The following PCBP3 variants were observed in gnomAD, a reference collection of about 807,000 sequenced individuals.
PCBP3 encodes the protein poly(rC)-binding protein 3.
In PCBP3, 25 loss-of-function variants were observed where a neutral mutation model predicts 52.7. The observed-to-expected ratio is 0.47, with a 90% CI of 0.35 to 0.66. The LOEUF is 0.66. Ranked by LOEUF, PCBP3 falls within the 30% of genes least tolerant of loss-of-function variation. The pLI, the probability that PCBP3 is intolerant of heterozygous loss-of-function variation, is 0.01. For synonymous variants in PCBP3, 162 were observed against 183.0 expected (o/e 0.89, Z 0.93); for missense variants, 391 against 490.3 (o/e 0.80, Z 1.91).
Position 45,904,368 on chromosome 21 carries a change from A to G in PCBP3, c.339+3255A>G, listed in dbSNP as rs2096146323. ...TTCCAGAAGACTGTGGATGCTCAGG[A>G]AGCTCGAGGGATTTGGAGTTTTCAT... On this transcript the variant is annotated intron_variant, in intron 9 of 17. Coordinates refer to ENST00000681687, the MANE Select transcript of PCBP3 (RefSeq NM_001384156.1). The surrounding 1 kb of genome is among the most constrained non-coding windows in gnomAD (Gnocchi z 4.8). Among the ~76,000 whole-genome samples the G allele has an allele frequency of 6.6e-6, 1 of 151,932 alleles. No individual in the cohort carries two copies. Among genetic ancestry groups the G allele is most frequent in the African/African-American group, 2.4e-5 (1 of 41,332 alleles).
chr21:45,922,829 C>A (rs2074636463), intron 13 of PCBP3, among the ~76,000 whole-genome samples: 2 of 152,174 alleles, frequency 1.3e-5, no homozygotes, highest in South Asian at 4.1e-4. Context: ...AGCTAATGAG[C>A]CAGGGAATGG....
intron 6 of PCBP3, among the ~76,000 whole-genome samples, chr21:45,899,066 C>T (rs1171793677): frequency 6.6e-6 from 1 of 152,266 alleles, no homozygotes; most frequent in Non-Finnish European, 1.5e-5. Context: ...CAGGGAGATA[C>T]TGGGCCACTC....
intron 2 of PCBP3, among the ~76,000 whole-genome samples, chr21:45,723,130 G>A (rs189778385): frequency 8.0e-4 from 121 of 152,174 alleles, no homozygotes; most frequent in African/African-American, 2.7e-3. Context: ...GATGTTTTTT[G>A]CACTTTTCTG....
intron 4 of PCBP3, among the ~76,000 whole-genome samples, chr21:45,793,153 G>A (rs143658784): frequency 7.4e-4 from 112 of 152,276 alleles, no homozygotes; most frequent in African/African-American, 2.6e-3. Context: ...GCCGCCTTCC[G>A]GACGGAGACT....
chr21:45,785,894 C>T (rs1037292348), intron 4 of PCBP3, among the ~76,000 whole-genome samples: 9 of 149,916 alleles, frequency 6.0e-5, no homozygotes, highest in Non-Finnish European at 8.9e-5. Flanking sequence ...GGATTAAGGG[C>T]GGTGCAAGAT....
intron 3 of PCBP3, among the ~76,000 whole-genome samples, chr21:45,745,873 C>T (rs1230066000): frequency 3.9e-5 from 6 of 152,232 alleles, no homozygotes; most frequent in Non-Finnish European, 7.3e-5. Flanking sequence ...GTGTTGGCAT[C>T]GTGTGAAGGC....
chr21:45,812,271 G>A (rs1603440831), intron 4 of PCBP3, among the ~76,000 whole-genome samples: 1 of 152,156 alleles, frequency 6.6e-6, no homozygotes, highest in Non-Finnish European at 1.5e-5. Context: ...ACACAGCCTC[G>A]AGAGGTCCTG....
chr21:45,849,935 C>G (rs1157411316), intron 4 of PCBP3, 26 bp from the exon 5 acceptor site: 1 of 730,730 alleles, frequency 1.4e-6, no homozygotes, highest in Non-Finnish European at 2.4e-6. Flanking sequence ...GGTGCGCTCA[C>G]ACAGCCCTGT....
At chr21:45,658,238 A>C (rs759863515) in intron 1 of PCBP3, among the ~76,000 whole-genome samples, 2 of 152,178 alleles carry the variant, frequency 1.3e-5, no homozygotes, top group African/African-American at 2.4e-5. Flanking sequence ...TGAATTCCCT[A>C]GATAAATCCC....
In PCBP3 at chr21:45,823,932, G is replaced by C. The variant is rs566572503; in HGVS notation, c.-125-26029G>C. ...AATTTTTTTATTTTTAGTAGAGATG[G>C]GGTTTCACCATGTTGTCCAGGCTGG... On this transcript the variant is annotated intron_variant, in intron 4 of 17. Coordinates refer to ENST00000681687, the MANE Select transcript of PCBP3 (RefSeq NM_001384156.1). Among the ~76,000 whole-genome samples the C allele has an allele frequency of 2.0e-3, 306 of 152,048 alleles. 1 individual carries two copies. The highest frequency in any genetic ancestry group is 7.2e-3 in the African/African-American group (298 of 41,468).
rs35538325 is a variant in PCBP3, at chr21:45,794,928, CA to C, written c.-126+39490del. 8.9e-3 allele frequency among the ~76,000 whole-genome samples: 848 copies of C among 95,670 alleles called. 3 individuals are homozygous for C. Among genetic ancestry groups the C allele is most frequent in the Middle Eastern group, 0.015 (2 of 132 alleles). The allele number at this position is 95,670 out of a possible 152,430, so 62.8% of individuals were successfully genotyped here. ...CGGGCGACAGAGCCAGACTCTGTCT[CA>C]AAAAAAAAAAAAAGGACCTAGAAAC... On this transcript the variant is annotated intron_variant, in intron 4 of 17. Transcript: ENST00000681687.
chr21:45,808,461 G>A (rs2092581832), intron 4 of PCBP3, among the ~76,000 whole-genome samples: 1 of 152,204 alleles, frequency 6.6e-6, no homozygotes, highest in African/African-American at 2.4e-5. Flanking sequence ...CTGGTCATTA[G>A]AGAAATGCAT....
intron 4 of PCBP3, among the ~76,000 whole-genome samples, chr21:45,794,799 G>A (rs1050649142): frequency 6.6e-6 from 1 of 152,030 alleles, no homozygotes; most frequent in East Asian, 1.9e-4. Context: ...CGTGGTGGCA[G>A]GTGCCTGTAG....
rs1054633050 is a variant in PCBP3, at chr21:45,735,774, C to T, written c.-162+345C>T. Among the ~76,000 whole-genome samples the T allele has an allele frequency of 5.9e-5, 9 of 152,228 alleles. No individual in the cohort carries two copies. Among genetic ancestry groups the T allele is most frequent in the Non-Finnish European group, 1.0e-4 (7 of 68,040 alleles). On this transcript the variant is annotated intron_variant, in intron 3 of 17. Coordinates refer to ENST00000681687, the MANE Select transcript of PCBP3 (RefSeq NM_001384156.1). This position sits in a 1 kb window ranked among gnomAD's most constrained non-coding sequence, Gnocchi z 4.0. ...GTTAGTGCACTTGGAGCCTACTGCA[C>T]GAGCCTACCGCACAAGCCTACCGCA...
rs1207239053 is a variant in PCBP3, at chr21:45,816,549, GAC to G, written c.-125-33399_-125-33398del. On this transcript the variant is annotated intron_variant, in intron 4 of 17. Coordinates refer to ENST00000681687, the MANE Select transcript of PCBP3 (RefSeq NM_001384156.1). ...CCCCTCCCCTTTTGTTAAAAACTGA[GAC>G]ACACACACACACTTTAGCCTAGGCC... is the stretch of plus-strand genomic sequence containing the variant. 1.4e-4 allele frequency among the ~76,000 whole-genome samples: 18 copies of G among 127,530 alleles called. No homozygotes were observed. In the Admixed American group the frequency reaches 1.5e-3, roughly 11 times the overall value. 83.7% of individuals were successfully genotyped at this position (127,530 alleles called of 152,430 possible).
intron 5 of PCBP3, among the ~76,000 whole-genome samples, chr21:45,867,317 G>A (rs148994573): frequency 4.6e-5 from 7 of 152,364 alleles, no homozygotes; most frequent in Non-Finnish European, 1.0e-4. Flanking sequence ...GAATCCGCGT[G>A]AAAGCAGCAA....
At chr21:45,824,336 CT>C (rs1159524597) in intron 4 of PCBP3, among the ~76,000 whole-genome samples, 2 of 152,320 alleles carry the variant, frequency 1.3e-5, no homozygotes, top group East Asian at 3.9e-4. Flanking sequence ...TCATTCCCTT[CT>C]TTTTCTACAT....
In PCBP3 at chr21:45,917,601, AG is replaced by A; in HGVS notation, c.692del (p.Gly231AspfsTer11). On this transcript the variant is annotated frameshift_variant, in exon 13 of 18. Coordinates refer to ENST00000681687, the MANE Select transcript of PCBP3 (RefSeq NM_001384156.1). LOFTEE classifies it high-confidence loss of function. The surrounding 1 kb of genome is among the most constrained non-coding windows in gnomAD (Gnocchi z 5.3). Reference sequence around the variant, plus strand: ...CTCTCTCTCTAGGCCTACACAATCCAGGGACAGTATGCCATCCCTCACCCGG... The same window carrying A: ...CTCTCTCTCTAGGCCTACACAATCCAGGACAGTATGCCATCCCTCACCCGG... ...IFAGGQAYTI[Q>X]GQYAIPHPDQ... The A allele has an allele frequency of 6.2e-7, 1 of 1,613,418 alleles. No homozygotes were observed. The highest frequency in any genetic ancestry group is 8.5e-7 in the Non-Finnish European group (1 of 1,179,542).
At chr21:45,831,750 G>A (rs1299750524) in intron 4 of PCBP3, among the ~76,000 whole-genome samples, 5 of 152,118 alleles carry the variant, frequency 3.3e-5, no homozygotes, top group African/African-American at 9.7e-5. Flanking sequence ...TCGCTCTGTC[G>A]CCCAGGCTGG....
Sources: gnomAD v4.1 joint callset for allele counts (sites outside exome capture counted in the v4.1 genomes callset) on GRCh38, gnomAD v4.1.1 for gene constraint, Gnocchi (gnomAD v3.1) non-coding constraint, MANE v1.5 for transcripts, NCBI Gene and HGNC (gene_info 2026-07-23, HGNC 2026-07-21) for gene names.